The following GABRA3 variants were observed in gnomAD, a reference collection of about 807,000 sequenced individuals.
GABRA3 encodes gamma-aminobutyric acid receptor subunit alpha-3.
In GABRA3, 10 loss-of-function variants were observed where a neutral mutation model predicts 30.1. The observed-to-expected ratio is 0.33, with a 90% CI of 0.20 to 0.56. The LOEUF is 0.56. Among genes scored for constraint, GABRA3 ranks in the 20% least tolerant of loss-of-function variants. The probability of loss-of-function intolerance (pLI) is 0.89; values close to 1 mark genes in which losing one functional copy is unlikely to be tolerated. For synonymous variants in GABRA3, 151 were observed against 146.8 expected, an observed-to-expected ratio of 1.03 and a Z score of -0.21; for missense variants, 233 against 392.0, an observed-to-expected ratio of 0.59 and a Z score of 3.42.
At chrX:152,441,155 G>A (rs935888376) in intron 1 of GABRA3, among the ~76,000 whole-genome samples, 10 of 111,245 alleles carry the variant, frequency 9.0e-5, no homozygotes, top group South Asian at 3.8e-4. Flanking sequence ...TGGTGGCACC[G>A]GTGGTAGTGG....
chrX:152,425,720 G>C (rs1380190673), intron 1 of GABRA3, among the ~76,000 whole-genome samples: 1 of 110,485 alleles, frequency 9.1e-6, no homozygotes, highest in Non-Finnish European at 1.9e-5. Context: ...TTCAACTTCT[G>C]TCCTGGTTTC....
At chrX:152,335,807 A>AT (rs1940225918) in intron 3 of GABRA3, among the ~76,000 whole-genome samples, 1 of 110,563 alleles carries the variant, frequency 9.0e-6, no homozygotes, top group African/African-American at 3.3e-5. Context: ...ACTGCCTCTA[A>AT]TTCTTGAGCT....
chrX:152,374,498 G>A (rs1034067588), intron 1 of GABRA3, among the ~76,000 whole-genome samples: 2 of 108,748 alleles, frequency 1.8e-5, no homozygotes, highest in Admixed American at 9.9e-5. Context: ...CTACAGGCAC[G>A]CGCCACCACA....
chrX:152,373,570 C>T (rs1217277374), intron 1 of GABRA3, among the ~76,000 whole-genome samples: 1 of 111,559 alleles, frequency 9.0e-6, no homozygotes, highest in Non-Finnish European at 1.9e-5. Flanking sequence ...TTTTAATAAT[C>T]GCCATTCTGA....
intron 5 of GABRA3, among the ~76,000 whole-genome samples, chrX:152,239,951 T>C (rs751838130): frequency 8.0e-5 from 8 of 100,511 alleles, no homozygotes; most frequent in Non-Finnish European, 7.8e-5. Context: ...TTTATCCAAT[T>C]TGCCAGTCTG....
intron 3 of GABRA3, among the ~76,000 whole-genome samples, chrX:152,320,556 C>T (rs1024174771): frequency 9.0e-6 from 1 of 110,643 alleles, no homozygotes; most frequent in Non-Finnish European, 1.9e-5. Flanking sequence ...ATACAATGAA[C>T]TTTGAGGACT....
Position 152,168,085 on chromosome X carries a change from T to A in GABRA3, c.*143A>T. The A allele has an allele frequency of 8.3e-6, 4 of 480,412 alleles. No individual in the cohort carries two copies. Among genetic ancestry groups the A allele is most frequent in the Non-Finnish European group, 1.1e-5 (3 of 282,408 alleles). 39.6% of individuals were successfully genotyped at this position (480,412 alleles called of 1,213,427 possible). A position where few individuals can be genotyped will look rare whatever the true frequency, so the allele number is the denominator to read the frequency against. On this transcript the variant is annotated 3_prime_UTR_variant, in exon 10 of 10. Transcript: ENST00000370314. The stretch of plus-strand genomic sequence containing the variant: ...CTGTAGTTATTTTTTGCGTAGAGAT[T>A]CATAAATATGAATTGAGGGTCACAG...
chrX:152,320,181 A>G (rs1939940501), intron 3 of GABRA3, among the ~76,000 whole-genome samples: 1 of 111,755 alleles, frequency 8.9e-6, no homozygotes, highest in African/African-American at 3.3e-5. Context: ...TAAAGAACTA[A>G]AAGTAGAACT....
intron 4 of GABRA3, 31 bp from the exon 5 acceptor site, chrX:152,256,029 C>T: frequency 9.3e-7 from 1 of 1,078,788 alleles, no homozygotes. Context: ...AACAATGTTT[C>T]AGTTGAGTTC....
At chrX:152,350,241 A>G (rs1603246294) in intron 2 of GABRA3, among the ~76,000 whole-genome samples, 3 of 99,805 alleles carry the variant, frequency 3.0e-5, no homozygotes, top group African/African-American at 1.1e-4. Flanking sequence ...AGAAATAAAG[A>G]TGTTCTTTGA....
intron 5 of GABRA3, among the ~76,000 whole-genome samples, chrX:152,243,203 TGAG>T: frequency 9.0e-6 from 1 of 111,531 alleles, no homozygotes; most frequent in Non-Finnish European, 1.9e-5. Context: ...GTGGGAGGAT[TGAG>T]GAGATGTTGG....
At chrX:152,295,094 A>C (rs1020339533) in intron 3 of GABRA3, among the ~76,000 whole-genome samples, 1 of 111,973 alleles carries the variant, frequency 8.9e-6, no homozygotes. Flanking sequence ...ACCCGCCTGT[A>C]ATGAGGTGTC....
chrX:152,231,987 G>A (rs927303131), intron 5 of GABRA3, among the ~76,000 whole-genome samples: 10 of 111,218 alleles, frequency 9.0e-5, no homozygotes, highest in Middle Eastern at 4.7e-3. Flanking sequence ...ATTAGTAGTC[G>A]ACTGGTGTTG....
chrX:152,405,306 C>CAAAA (rs1182138088), intron 1 of GABRA3, among the ~76,000 whole-genome samples: 1 of 33,730 alleles, frequency 3.0e-5, no homozygotes, highest in African/African-American at 9.0e-5. Flanking sequence ...CGCACCCTTG[C>CAAAA]AAAAAAAAAA....
intron 7 of GABRA3, among the ~76,000 whole-genome samples, chrX:152,200,007 T>G (rs920623241): frequency 8.9e-6 from 1 of 112,069 alleles, no homozygotes; most frequent in Non-Finnish European, 1.9e-5. Context: ...GCTTTCTAAC[T>G]GGTCTCCTTG....
chrX:152,311,451 A>G (rs1196685408), intron 3 of GABRA3, among the ~76,000 whole-genome samples: 1 of 112,202 alleles, frequency 8.9e-6, no homozygotes, highest in Admixed American at 9.5e-5. Context: ...AAAAACAAAA[A>G]CCACATGATC....
At chrX:152,394,430 C>T (rs1011428211) in intron 1 of GABRA3, 1 of 386,951 alleles carries the variant, frequency 2.6e-6, no homozygotes, top group Non-Finnish European at 5.2e-6. Flanking sequence ...ATAGCACATG[C>T]TCAAACATCC....
chrX:152,172,905 T>G (rs1350616237), intron 9 of GABRA3, among the ~76,000 whole-genome samples: 1 of 109,533 alleles, frequency 9.1e-6, no homozygotes, highest in Non-Finnish European at 1.9e-5. Flanking sequence ...AGGACTGAAT[T>G]ACACAATTCA....
chrX:152,400,505 T>A (rs183169070), intron 1 of GABRA3, among the ~76,000 whole-genome samples: 1 of 110,744 alleles, frequency 9.0e-6, no homozygotes, highest in East Asian at 2.8e-4. Context: ...TAAGACCCTG[T>A]CTCAAAAATA....
Sources: gnomAD v4.1 joint callset for allele counts (sites outside exome capture counted in the v4.1 genomes callset) on GRCh38, gnomAD v4.1.1 for gene constraint, MANE v1.5 for transcripts, NCBI Gene and HGNC (gene_info 2026-07-23, HGNC 2026-07-21) for gene names.